KIRREL3: variants seen among roughly 807,000 people sequenced by gnomAD.
KIRREL3 encodes kirre like nephrin family adhesion molecule 3.
KIRREL3 carries 36 observed loss-of-function variants against 89.7 expected under a neutral mutation model. That is an observed-to-expected ratio of 0.40 (90% confidence interval 0.31 to 0.53). The LOEUF is 0.53. Among genes scored for constraint, KIRREL3 ranks in the 20% least tolerant of loss-of-function variants. The probability of loss-of-function intolerance (pLI) is 0.49; values close to 1 mark genes in which losing one functional copy is unlikely to be tolerated. For missense variants in KIRREL3, 864 were observed against 1,056.6 expected (o/e 0.82, Z 2.53); for synonymous variants, 445 against 441.4 (o/e 1.01, Z -0.10).
chr11:126,582,885 G>A (rs1783998), intron 1 of KIRREL3, among the ~76,000 whole-genome samples: 1 of 77,188 alleles, frequency 1.3e-5, no homozygotes, highest in East Asian at 3.4e-4. Flanking sequence ...AATTATCTGA[G>A]GTACTGAAGA....
chr11:126,968,718 C>A (rs1006866766), intron 1 of KIRREL3, among the ~76,000 whole-genome samples: 1 of 152,198 alleles, frequency 6.6e-6, no homozygotes, highest in African/African-American at 2.4e-5. Context: ...CCATTTATAA[C>A]ACGGCAGCCC....
chr11:126,451,583 C>T (rs200987090), intron 7 of KIRREL3, among the ~76,000 whole-genome samples: 115 of 84,084 alleles, frequency 1.4e-3, no homozygotes, highest in African/African-American at 4.0e-3. Context: ...TGTGTGTGTG[C>T]GTGTGTGTAC....
intron 8 of KIRREL3, among the ~76,000 whole-genome samples, chr11:126,448,279 C>CAAAAAAAAAAAAAAAA (rs55787866): frequency 6.3e-5 from 6 of 95,334 alleles, no homozygotes; most frequent in South Asian, 3.5e-4. Flanking sequence ...GAGACTGTCT[C>CAAAAAAAAAAAAAAAA]AAAAAAAAAA....
intron 2 of KIRREL3, among the ~76,000 whole-genome samples, chr11:126,532,414 C>T (rs972321073): frequency 1.3e-5 from 2 of 152,084 alleles, no homozygotes; most frequent in African/African-American, 4.8e-5. Flanking sequence ...TTGCTCTTGT[C>T]GCCCAGGATG....
In KIRREL3 at chr11:126,751,915, C is replaced by T. The variant is rs536785541; in HGVS notation, c.56-189003G>A. On this transcript the variant is annotated intron_variant, in intron 1 of 16. Transcript: ENST00000525144. ...ATGGGGTTTTGCTATGTTGACCAGG[C>T]TGATCTCAAACTCCTGGCCTCAAGC... 2.0e-5 allele frequency among the ~76,000 whole-genome samples: 3 copies of T among 152,276 alleles called. No individual in the cohort carries two copies. The East Asian group carries it at 5.8e-4, about 29-fold the overall frequency.
At chr11:126,436,417 C>G (rs1308428090) in intron 12 of KIRREL3, among the ~76,000 whole-genome samples, 1 of 152,232 alleles carries the variant, frequency 6.6e-6, no homozygotes, top group African/African-American at 2.4e-5. Context: ...CACGCTCCAC[C>G]CAGGCATGAC....
chr11:126,466,212 T>G (rs147483617), intron 5 of KIRREL3, among the ~76,000 whole-genome samples: 59 of 152,238 alleles, frequency 3.9e-4, no homozygotes, highest in Admixed American at 2.8e-3. Flanking sequence ...TTCTGGGAAA[T>G]AAAAATTCTG....
chr11:126,766,606 G>A lies in KIRREL3; in HGVS notation c.56-203694C>T, dbSNP rs544863237. Among the ~76,000 whole-genome samples, 30 of 152,200 alleles carry A rather than the reference G, an allele frequency of 2.0e-4. No individual in the cohort carries two copies. The East Asian group carries it at 3.5e-3, about 18-fold the overall frequency. ...AGAGATTATTGTGCCTCATGGTGGC[G>A]CCAGTAGTATCATTCCATTACCATT... is the stretch of plus-strand genomic sequence containing the variant. On this transcript the variant is annotated intron_variant, in intron 1 of 16. Transcript: ENST00000525144. This position sits in a 1 kb window ranked among gnomAD's most constrained non-coding sequence, Gnocchi z 4.2.
At chr11:126,649,160 T>C (rs1350890957) in intron 1 of KIRREL3, among the ~76,000 whole-genome samples, 1 of 152,212 alleles carries the variant, frequency 6.6e-6, no homozygotes, top group African/African-American at 2.4e-5. Flanking sequence ...ACCCTCATGA[T>C]TAAAATTATC....
chr11:126,690,317 C>A (rs562129), intron 1 of KIRREL3, among the ~76,000 whole-genome samples: 3 of 151,136 alleles, frequency 2.0e-5, no homozygotes, highest in Non-Finnish European at 4.4e-5. Context: ...TTAACCATTT[C>A]TTTGGCTCCA....
At chr11:126,713,145 G>A (rs1947827796) in intron 1 of KIRREL3, among the ~76,000 whole-genome samples, 1 of 152,200 alleles carries the variant, frequency 6.6e-6, no homozygotes, top group African/African-American at 2.4e-5. Context: ...CTAACCAAGA[G>A]CGGAGGAGTT....
At chr11:126,556,843 C>T (rs186584677) in intron 2 of KIRREL3, among the ~76,000 whole-genome samples, 126 of 152,248 alleles carry the variant, frequency 8.3e-4, no homozygotes, top group African/African-American at 2.7e-3. Flanking sequence ...TCATAAAGTG[C>T]CCTGTAAATC....
chr11:126,649,985 T>G (rs999378782), intron 1 of KIRREL3, among the ~76,000 whole-genome samples: 2 of 152,180 alleles, frequency 1.3e-5, no homozygotes, highest in Admixed American at 1.3e-4. Flanking sequence ...AAACCCCAAT[T>G]CTTGACTTCT....
rs1956476608 is a variant in KIRREL3 at position 126,459,447 on chromosome 11, GCCATATCTGCACCTCC to G, written c.743-3009_743-2994del. On this transcript the variant is annotated intron_variant, in intron 6 of 16. Transcript: ENST00000525144. The surrounding 1 kb of genome is among the most constrained non-coding windows in gnomAD (Gnocchi z 4.8). ...ATTCACAAGGGTTCCACACTCACTG[GCCATATCTGCACCTCC>G]ACCCCAAGACCAGAGGTGCCCAAGC... Among the ~76,000 whole-genome samples, 1 of 152,000 alleles carries G rather than the reference GCCATATCTGCACCTCC, an allele frequency of 6.6e-6. No individual in the cohort carries two copies. Among genetic ancestry groups the G allele is most frequent in the South Asian group, 2.1e-4 (1 of 4,820 alleles).
At chr11:126,650,136 T>A (rs1048410357) in intron 1 of KIRREL3, among the ~76,000 whole-genome samples, 2 of 152,218 alleles carry the variant, frequency 1.3e-5, no homozygotes, top group Non-Finnish European at 2.9e-5. Context: ...GTCCCTAGGC[T>A]GCACACAGCG....
chr11:126,639,549 A>G lies in KIRREL3; in HGVS notation c.56-76637T>C, dbSNP rs1944392041. On this transcript the variant is annotated intron_variant, in intron 1 of 16. Transcript: ENST00000525144. The surrounding 1 kb of genome is among the most constrained non-coding windows in gnomAD (Gnocchi z 4.3). ...GAAGGCAGATGCTAACCAACCACCAATTGCATCCCAGGACAGTTGCTGAAA... is the reference window on the plus strand; with the variant it reads ...GAAGGCAGATGCTAACCAACCACCAGTTGCATCCCAGGACAGTTGCTGAAA... Among the ~76,000 whole-genome samples, 1 of 152,174 alleles carries G rather than the reference A, an allele frequency of 6.6e-6. No individual in the cohort carries two copies. The highest frequency in any genetic ancestry group is 2.1e-4 in the South Asian group (1 of 4,822).
intron 1 of KIRREL3, chr11:126,936,159 C>T (rs991924545): frequency 1.3e-5 from 2 of 152,124 alleles, no homozygotes; most frequent in Non-Finnish European, 2.9e-5. Flanking sequence ...CATCATTAAT[C>T]ACTGGGGAAA....
chr11:126,897,092 A>T lies in KIRREL3; in HGVS notation c.55+103363T>A, dbSNP rs1456743207. On this transcript the variant is annotated intron_variant, in intron 1 of 16. Coordinates refer to ENST00000525144, the MANE Select transcript of KIRREL3 (RefSeq NM_032531.4). This position sits in a 1 kb window ranked among gnomAD's most constrained non-coding sequence, Gnocchi z 4.2. ...CTTATCCAAGTTATTAAAATACGAA[A>T]GATCATCTCACGAATACGGGCTACA... 2.0e-5 allele frequency among the ~76,000 whole-genome samples: 3 copies of T among 152,120 alleles called. No individual in the cohort carries two copies. Among genetic ancestry groups the T allele is most frequent in the African/African-American group, 7.2e-5 (3 of 41,416 alleles).
At position 126,563,005 on chromosome 11, in the gene KIRREL3, C is replaced by T; in HGVS notation, c.56-93G>A. 2 of 806,034 alleles carry T rather than the reference C, an allele frequency of 2.5e-6. No homozygotes were observed. The highest frequency in any genetic ancestry group is 4.0e-6 in the Non-Finnish European group (2 of 498,850). The allele number at this position is 806,034 out of a possible 1,614,324, so 49.9% of individuals were successfully genotyped here. A position where few individuals can be genotyped will look rare whatever the true frequency, so the allele number is the denominator to read the frequency against. On this transcript the variant is annotated intron_variant, in intron 1 of 16. Coordinates refer to ENST00000525144, the MANE Select transcript of KIRREL3 (RefSeq NM_032531.4). This position sits in a 1 kb window ranked among gnomAD's most constrained non-coding sequence, Gnocchi z 6.8. ...GCAGGGGGCTGTGGAGCTTGTTGCT[C>T]TTATAAACAGAGGTGCTTTTGTTTA...
Sources: gnomAD v4.1 joint callset for allele counts (sites outside exome capture counted in the v4.1 genomes callset) on GRCh38, gnomAD v4.1.1 for gene constraint, Gnocchi (gnomAD v3.1) non-coding constraint, MANE v1.5 for transcripts, NCBI Gene and HGNC (gene_info 2026-07-23, HGNC 2026-07-21) for gene names.